The following CCDC150 variants were observed in gnomAD, a reference collection of about 807,000 sequenced individuals.
The protein encoded by CCDC150 is coiled-coil domain-containing protein 150.
Under a neutral mutation model 156.5 loss-of-function variants are expected in CCDC150, and 151 were observed. The observed-to-expected ratio is 0.97, with a 90% CI of 0.85 to 1.10. The LOEUF is 1.10. Ranked by LOEUF, CCDC150 falls within the 50% of genes least tolerant of loss-of-function variation. The pLI, the probability that CCDC150 is intolerant of heterozygous loss-of-function variation, is 0.00. For synonymous variants in CCDC150, 452 were observed against 429.4 expected (o/e 1.05, Z -0.65); for missense variants, 1,312 against 1,268.1 (o/e 1.03, Z -0.53).
chr2:196,676,004 T>C (rs1694475264), intron 10 of CCDC150, 139 bp from the exon 11 acceptor site: 2 of 725,136 alleles, frequency 2.8e-6, no homozygotes, highest in Admixed American at 2.9e-5. Context: ...AAATAAATTG[T>C]TTTAAAAAGA....
At chr2:196,712,326 C>A in intron 16 of CCDC150, 74 bp downstream of exon 16, 1 of 752,478 alleles carries the variant, frequency 1.3e-6, no homozygotes, top group Non-Finnish European at 2.1e-6. Flanking sequence ...TCTTTTTCCC[C>A]ACTTTACCAC....
chr2:196,652,186 C>T (rs375999001), intron 2 of CCDC150, among the ~76,000 whole-genome samples: 7 of 152,288 alleles, frequency 4.6e-5, no homozygotes, highest in East Asian at 3.9e-4. Context: ...TTGTTCTTCT[C>T]GCACTGCAAA....
At chr2:196,651,170 C>A (rs1255422615) in intron 2 of CCDC150, among the ~76,000 whole-genome samples, 1 of 152,206 alleles carries the variant, frequency 6.6e-6, no homozygotes, top group Non-Finnish European at 1.5e-5. Flanking sequence ...GAACTCCACA[C>A]TTTTACTCTC....
intron 1 of CCDC150, among the ~76,000 whole-genome samples, chr2:196,645,370 G>T (rs1018842504): frequency 2.6e-5 from 4 of 152,182 alleles, no homozygotes; most frequent in African/African-American, 9.7e-5. Context: ...GAAGGTAAGG[G>T]TCAGGGAGAT....
At chr2:196,656,596 CATTGCAT>C (rs1373451712) in intron 2 of CCDC150, 30 bp from the exon 3 acceptor site, 10 of 1,387,056 alleles carry the variant, frequency 7.2e-6, no homozygotes, top group Middle Eastern at 3.6e-4. Flanking sequence ...GTAGAAATTG[CATTGCAT>C]AATATTGTTA....
At chr2:196,676,032 T>C (rs1694477473) in intron 10 of CCDC150, 111 bp from the exon 11 acceptor site, 2 of 992,578 alleles carry the variant, frequency 2.0e-6, no homozygotes, top group East Asian at 4.9e-5. Flanking sequence ...TTTATGTAAA[T>C]GAAACTTGTT....
chr2:196,672,791 T>C (rs1694283252), intron 9 of CCDC150, among the ~76,000 whole-genome samples: 1 of 152,202 alleles, frequency 6.6e-6, no homozygotes, highest in Non-Finnish European at 1.5e-5. Flanking sequence ...ATACTTTCTT[T>C]GTATCTTCTA....
At chr2:196,679,111 T>A (rs1019965859) in intron 13 of CCDC150, among the ~76,000 whole-genome samples, 4 of 152,216 alleles carry the variant, frequency 2.6e-5, no homozygotes, top group South Asian at 2.1e-4. Flanking sequence ...TGGTATAAAT[T>A]GATTTTTAAA....
chr2:196,665,740 T>C, intron 6 of CCDC150, 57 bp downstream of exon 6: 1 of 989,226 alleles, frequency 1.0e-6, no homozygotes, highest in East Asian at 2.9e-5. Context: ...CAAAAACTGA[T>C]ATTTTACCTA....
rs569051860 is a variant in CCDC150, at chr2:196,723,395, C to T, written c.2429+1704C>T. ...CCTGTAGTCCCAGCTACTCGGGAGG[C>T]TAAGGCAGGAGAATCGCTTGAACCT... is the stretch of plus-strand genomic sequence containing the variant. On this transcript the variant is annotated intron_variant, in intron 21 of 27. Transcript: ENST00000389175. Among the ~76,000 whole-genome samples the T allele has an allele frequency of 2.0e-5, 3 of 152,174 alleles. No individual in the cohort carries two copies. In the South Asian group the frequency reaches 6.2e-4, roughly 32 times the overall value.
chr2:196,650,271 C>G (rs1247229039), intron 2 of CCDC150, among the ~76,000 whole-genome samples: 1 of 152,206 alleles, frequency 6.6e-6, no homozygotes, highest in South Asian at 2.1e-4. Context: ...ATCCTTCATT[C>G]TGTTAATACA....
At chr2:196,644,978 G>A (rs1427440814) in intron 1 of CCDC150, among the ~76,000 whole-genome samples, 4 of 131,454 alleles carry the variant, frequency 3.0e-5, no homozygotes, top group Non-Finnish European at 6.5e-5. Flanking sequence ...AAAAAAATTA[G>A]CCGGGCATGG....
Position 196,712,676 on chromosome 2 carries a change from G to C in CCDC150, c.1804-1G>C. The C allele has an allele frequency of 6.2e-7, 1 of 1,607,480 alleles. No homozygotes were observed. Among genetic ancestry groups the C allele is most frequent in the Non-Finnish European group, 8.5e-7 (1 of 1,176,694 alleles). On this transcript the variant is annotated splice_acceptor_variant, in intron 16 of 27. Coordinates refer to ENST00000389175, the MANE Select transcript of CCDC150 (RefSeq NM_001080539.2). LOFTEE classifies it high-confidence loss of function. Reference sequence around the variant, plus strand: ...AAGTATCTTTGTTTTTTGAATTAAAGGCAAACTCAGAACTCAGTGCCAAGA... The same window carrying C: ...AAGTATCTTTGTTTTTTGAATTAAACGCAAACTCAGAACTCAGTGCCAAGA...
At chr2:196,676,432 G>A in intron 11 of CCDC150, 122 bp from the exon 12 acceptor site, 1 of 1,304,368 alleles carries the variant, frequency 7.7e-7, no homozygotes, top group Non-Finnish European at 1.1e-6. Context: ...AACTAGTTTT[G>A]TTAGAACATT....
intron 15 of CCDC150, among the ~76,000 whole-genome samples, chr2:196,709,902 C>T (rs576711508): frequency 7.2e-5 from 11 of 152,224 alleles, no homozygotes; most frequent in African/African-American, 1.7e-4. Flanking sequence ...GTGGGGCACC[C>T]GGCTGTATGA....
At chr2:196,720,955 G>A (rs971668404) in intron 20 of CCDC150, among the ~76,000 whole-genome samples, 1 of 151,970 alleles carries the variant, frequency 6.6e-6, no homozygotes, top group African/African-American at 2.4e-5. Context: ...GAAGTTAATA[G>A]GCTTAGAAAA....
intron 7 of CCDC150, among the ~76,000 whole-genome samples, chr2:196,669,220 T>C (rs1413792029): frequency 6.6e-6 from 1 of 152,202 alleles, no homozygotes; most frequent in Non-Finnish European, 1.5e-5. Flanking sequence ...GCCTTGCAGA[T>C]ATGTCAAAAC....
intron 15 of CCDC150, among the ~76,000 whole-genome samples, chr2:196,711,014 C>A (rs1559264911): frequency 1.3e-5 from 2 of 152,088 alleles, no homozygotes; most frequent in Admixed American, 6.5e-5. Context: ...ATCACTTAAC[C>A]ACTAGGATTT....
At chr2:196,723,853 G>A (rs58883521) in intron 21 of CCDC150, among the ~76,000 whole-genome samples, 13,739 of 152,162 alleles carry the variant, frequency 0.09, 789 homozygotes, top group African/African-American at 0.17. Flanking sequence ...GGAAAGGCAG[G>A]CAAAGAGGAC....
Sources: gnomAD v4.1 joint callset for allele counts (sites outside exome capture counted in the v4.1 genomes callset) on GRCh38, gnomAD v4.1.1 for gene constraint, MANE v1.5 for transcripts, NCBI Gene and HGNC (gene_info 2026-07-23, HGNC 2026-07-21) for gene names.